Variants in CLIP2 observed in about 807,000 individuals in gnomAD.
CLIP2 encodes the protein CAP-Gly domain containing linker protein 2.
A neutral mutation model predicts 111.7 loss-of-function variants in CLIP2; 41 were observed. That is an observed-to-expected ratio of 0.37 (90% CI 0.29 to 0.48). The LOEUF (loss-of-function observed/expected upper bound fraction) is 0.48. Among genes scored for constraint, CLIP2 ranks in the 20% least tolerant of loss-of-function variants. The pLI is 0.99. For synonymous variants in CLIP2, 660 were observed against 644.2 expected, an observed-to-expected ratio of 1.02 and a Z score of -0.37; for missense variants, 1,160 against 1,422.1, an observed-to-expected ratio of 0.82 and a Z score of 2.96.
chr7:74,348,285 A>G (rs1218968737), intron 3 of CLIP2, among the ~76,000 whole-genome samples: 9 of 152,296 alleles, frequency 5.9e-5, no homozygotes, highest in African/African-American at 2.2e-4. Context: ...AAAATTCCCC[A>G]GATTGATAAG....
intron 1 of CLIP2, among the ~76,000 whole-genome samples, chr7:74,306,000 C>T (rs1331119626): frequency 1.3e-5 from 2 of 152,004 alleles, no homozygotes; most frequent in Non-Finnish European, 2.9e-5. Context: ...TGCTGGGGCA[C>T]GTCCAGGAGA....
intron 1 of CLIP2, among the ~76,000 whole-genome samples, chr7:74,301,055 A>T (rs1788321660): frequency 6.6e-6 from 1 of 152,178 alleles, no homozygotes; most frequent in African/African-American, 2.4e-5. Flanking sequence ...CCAACAGTGT[A>T]TACGCGTTCC....
At chr7:74,294,856 C>T (rs1184086139) in intron 1 of CLIP2, among the ~76,000 whole-genome samples, 1 of 152,200 alleles carries the variant, frequency 6.6e-6, no homozygotes, top group Non-Finnish European at 1.5e-5. Context: ...GTTGGCTGGG[C>T]AACGGCTGCA....
chr7:74,322,179 C>T (rs1024903837), intron 2 of CLIP2, among the ~76,000 whole-genome samples: 21 of 151,362 alleles, frequency 1.4e-4, no homozygotes, highest in East Asian at 3.9e-4. Context: ...TTTGGAGAGA[C>T]GGCGTTTCAC....
At chr7:74,368,733 T>C (rs1790525167) in intron 8 of CLIP2, among the ~76,000 whole-genome samples, 1 of 152,070 alleles carries the variant, frequency 6.6e-6, no homozygotes, top group African/African-American at 2.4e-5. Context: ...TTTAAAAATA[T>C]CGTTTTCATT....
intron 3 of CLIP2, among the ~76,000 whole-genome samples, chr7:74,341,239 G>C (rs1554305320): frequency 6.6e-6 from 1 of 152,180 alleles, no homozygotes; most frequent in African/African-American, 2.4e-5. Context: ...CCAGGCTGGA[G>C]CGCAGTGGTG....
intron 2 of CLIP2, among the ~76,000 whole-genome samples, chr7:74,329,056 C>T (rs540369117): frequency 2.7e-5 from 4 of 150,482 alleles, no homozygotes; most frequent in South Asian, 2.1e-4. Context: ...GTTAGGCACC[C>T]GCCATCATGC....
intron 13 of CLIP2, among the ~76,000 whole-genome samples, chr7:74,390,136 G>GAGAAAGAAAGAA (rs1791234890): frequency 1.2e-5 from 1 of 85,382 alleles, no homozygotes; most frequent in East Asian, 2.8e-4. Context: ...GAGAGAGAGA[G>GAGAAAGAAAGAA]AAAGAAAGAA....
At chr7:74,353,229 C>G (rs1790057661) in intron 3 of CLIP2, among the ~76,000 whole-genome samples, 1 of 150,100 alleles carries the variant, frequency 6.7e-6, no homozygotes, top group South Asian at 2.1e-4. Context: ...ACCGTATATA[C>G]AGTACTTAAT....
At chr7:74,320,959 AG>A (rs1554729942) in intron 2 of CLIP2, among the ~76,000 whole-genome samples, 1 of 152,006 alleles carries the variant, frequency 6.6e-6, no homozygotes, top group Non-Finnish European at 1.5e-5. Flanking sequence ...GTGCAGCGAG[AG>A]AGTCTTATTG....
intron 10 of CLIP2, among the ~76,000 whole-genome samples, chr7:74,379,394 G>A (rs1790880617): frequency 6.6e-6 from 1 of 151,782 alleles, no homozygotes; most frequent in Non-Finnish European, 1.5e-5. Context: ...AAACGCATAT[G>A]TCCCCATGTT....
At chr7:74,335,260 G>A in intron 2 of CLIP2, among the ~76,000 whole-genome samples, 1 of 116,334 alleles carries the variant, frequency 8.6e-6, no homozygotes. Context: ...AACAGAGCGA[G>A]ACTCCATCTC....
chr7:74,343,439 G>A (rs1183367847), intron 3 of CLIP2, among the ~76,000 whole-genome samples: 1 of 152,086 alleles, frequency 6.6e-6, no homozygotes, highest in African/African-American at 2.4e-5. Context: ...GGTACAGCAG[G>A]GAAATCAGGC....
intron 2 of CLIP2, among the ~76,000 whole-genome samples, chr7:74,321,182 T>C (rs1788941254): frequency 6.6e-6 from 1 of 152,152 alleles, no homozygotes; most frequent in Non-Finnish European, 1.5e-5. Flanking sequence ...GGTAGAAAAC[T>C]CATTAAAGAT....
At position 74,376,053 on chromosome 7, in the gene CLIP2, C is replaced by T. The variant is rs371035740; in HGVS notation, c.1652C>T (p.Ser551Leu). Residue 551 changes from serine to leucine, a missense_variant, in exon 10 of 17, where the codon TCG becomes TTG. Coordinates refer to ENST00000223398, the MANE Select transcript of CLIP2 (RefSeq NM_003388.5). This position sits in a 1 kb window ranked among gnomAD's most constrained non-coding sequence, Gnocchi z 7.1. ...EILRLRERLL[S>L]ASKEHQRESG... is the part of the protein sequence containing the mutation. ...CTGCGGCTACGGGAGCGGCTGCTCT[C>T]GGCCAGCAAGGAACACCAGAGGGAG... The T allele has an allele frequency of 3.0e-5, 48 of 1,612,672 alleles. No homozygotes were observed. The South Asian group carries it at 3.6e-4, about 12-fold the overall frequency.
At chr7:74,327,444 C>T (rs1584328734) in intron 2 of CLIP2, among the ~76,000 whole-genome samples, 1 of 152,138 alleles carries the variant, frequency 6.6e-6, no homozygotes, top group African/African-American at 2.4e-5. Context: ...GTCCCTGTAC[C>T]CCGTGAGTGT....
At chr7:74,386,332 G>T in intron 11 of CLIP2, 189 bp from the exon 12 acceptor site, 1 of 473,180 alleles carries the variant, frequency 2.1e-6, no homozygotes, top group South Asian at 2.4e-5. Context: ...GAGCCACCAC[G>T]CCCGGCCAGT....
rs968981606 is a variant in CLIP2 at position 74,396,933 on chromosome 7, C to T, written c.2721-141C>T. 29 of 1,041,418 alleles carry T rather than the reference C, an allele frequency of 2.8e-5. No individual in the cohort carries two copies. In the East Asian group the frequency reaches 6.2e-4, roughly 22 times the overall value. 64.5% of individuals were successfully genotyped at this position (1,041,418 alleles called of 1,614,324 possible). On this transcript the variant is annotated intron_variant, in intron 13 of 16. Coordinates refer to ENST00000223398, the MANE Select transcript of CLIP2 (RefSeq NM_003388.5). ...TTTGGTTGAATTGTGTCTACTGTGG[C>T]CCCTCGTGGCACAGATGCCATCTAG... is the stretch of plus-strand genomic sequence containing the variant.
Position 74,319,824 on chromosome 7 carries a change from AAGAG to A in CLIP2, c.121+2165_121+2168del, listed in dbSNP as rs10550439. ...TGACAGAGTGAGACCCTAAAAAAAA[AAGAG>A]AGAGAGAAAGAAGAAAAGTCTGGAT... On this transcript the variant is annotated intron_variant, in intron 2 of 16. Coordinates refer to ENST00000223398, the MANE Select transcript of CLIP2 (RefSeq NM_003388.5). 3.8e-3 allele frequency among the ~76,000 whole-genome samples: 569 copies of A among 149,280 alleles called. 4 individuals carry two copies. The highest frequency in any genetic ancestry group is 0.014 in the African/African-American group (553 of 40,926).
Sources: gnomAD v4.1 joint callset for allele counts (sites outside exome capture counted in the v4.1 genomes callset) on GRCh38, gnomAD v4.1.1 for gene constraint, Gnocchi (gnomAD v3.1) non-coding constraint, MANE v1.5 for transcripts, NCBI Gene and HGNC (gene_info 2026-07-23, HGNC 2026-07-21) for gene names.